SH2D5: variants seen among roughly 807,000 people sequenced by gnomAD.
SH2D5 encodes the protein SH2 domain containing 5, also known as SH2 domain-containing protein 5.
A neutral mutation model predicts 48.2 loss-of-function variants in SH2D5; 45 were observed. The observed-to-expected ratio is 0.93, with a 90% CI of 0.73 to 1.20. The LOEUF is 1.20. SH2D5 is among the 50% of genes most tolerant of loss of function. SH2D5 has a pLI of 0.00. For missense variants in SH2D5, 538 were observed against 584.1 expected (o/e 0.92, Z 0.81); for synonymous variants, 230 against 249.8 (o/e 0.92, Z 0.75).
In SH2D5 at chr1:20,728,877, T is replaced by C. The variant is rs577681124; in HGVS notation, c.-42-791A>G. Among the ~76,000 whole-genome samples, 131 of 152,284 alleles carry C rather than the reference T, an allele frequency of 8.6e-4. No individual in the cohort carries two copies. The highest frequency in any genetic ancestry group is 1.6e-3 in the Non-Finnish European group (106 of 68,014). ...GCCAGGGACCTGCTGCATGGGACCC[T>C]GCCTCACTCAGCCCAAACAGACCCC... is the stretch of plus-strand genomic sequence containing the variant. On this transcript the variant is annotated intron_variant, in intron 1 of 9. Transcript: ENST00000444387. The surrounding 1 kb of genome is among the most constrained non-coding windows in gnomAD (Gnocchi z 4.3).
In SH2D5 at chr1:20,727,609, C is replaced by T. The variant is rs749990363; in HGVS notation, c.88-6G>A. 1.9e-5 allele frequency: 30 copies of T among 1,605,260 alleles called. No individual in the cohort carries two copies. In the Admixed American group the frequency reaches 2.0e-4, roughly 11 times the overall value. ...ACAGGGAAGGAGCCCACGTACTGCT[C>T]GGCAGTGGGGTGAAGGGAGTAAGGC... On this transcript the variant is annotated splice_region_variant and splice_polypyrimidine_tract_variant and intron_variant, in intron 2 of 9. Coordinates refer to ENST00000444387, the MANE Select transcript of SH2D5 (RefSeq NM_001103161.2).
Position 20,721,778 on chromosome 1 carries a change from CG to C in SH2D5, c.*13del. 1.3e-6 allele frequency: 2 copies of C among 1,513,958 alleles called. No individual in the cohort carries two copies. Among genetic ancestry groups the C allele is most frequent in the Non-Finnish European group, 1.8e-6 (2 of 1,125,648 alleles). 93.8% of individuals were successfully genotyped at this position (1,513,958 alleles called of 1,614,324 possible). On this transcript the variant is annotated 3_prime_UTR_variant, in exon 10 of 10. Transcript: ENST00000444387. The stretch of plus-strand genomic sequence containing the variant: ...CGGGGTGAGGCGGGGCCTGTGGGAC[CG>C]GGGCCCTACCTCTTAGCCCAGGCCC...
chr1:20,730,381 C>A (rs573095362), intron 1 of SH2D5, among the ~76,000 whole-genome samples: 37 of 152,098 alleles, frequency 2.4e-4, no homozygotes, highest in African/African-American at 8.9e-4. Context: ...CTCACACTCA[C>A]ACGCGCACAC....
At chr1:20,726,452 C>T (rs761157501) in intron 4 of SH2D5, among the ~76,000 whole-genome samples, 17 of 152,130 alleles carry the variant, frequency 1.1e-4, no homozygotes, top group Non-Finnish European at 1.9e-4. Context: ...ATCAGTGGGA[C>T]CTCATGTGAG....
At chr1:20,727,229 G>T (rs1050305987) in intron 3 of SH2D5, among the ~76,000 whole-genome samples, 154 bp from the exon 4 acceptor site, 1 of 152,104 alleles carries the variant, frequency 6.6e-6, no homozygotes, top group South Asian at 2.1e-4. Flanking sequence ...TGGCGCTGGG[G>T]AAGTGGGGAT....
rs1201268704 is a variant in SH2D5, at chr1:20,722,000, G to A, written c.1069-5C>T. The A allele has an allele frequency of 2.5e-6, 4 of 1,611,364 alleles. No homozygotes were observed. The highest frequency in any genetic ancestry group is 3.4e-6 in the Non-Finnish European group (4 of 1,179,128). ...GGGGAACTCTGCCGGCAGGTGCTAG[G>A]GGAGGAAGGGACTTCAGCTCCAGTC... On this transcript the variant is annotated splice_region_variant and splice_polypyrimidine_tract_variant and intron_variant, in intron 9 of 9. Transcript: ENST00000444387.
In SH2D5 at chr1:20,728,593, G is replaced by T. The variant is rs1014135373; in HGVS notation, c.-42-507C>A. ...GGAAGGGAGGGCCACCTGAGAGGGC[G>T]CCATCAAAGAGAAGGGCAGTGACAG... On this transcript the variant is annotated intron_variant, in intron 1 of 9. Transcript: ENST00000444387. This position sits in a 1 kb window ranked among gnomAD's most constrained non-coding sequence, Gnocchi z 4.3. Among the ~76,000 whole-genome samples, 1 of 152,198 alleles carries T rather than the reference G, an allele frequency of 6.6e-6. No homozygotes were observed. The highest frequency in any genetic ancestry group is 1.5e-5 in the Non-Finnish European group (1 of 68,038).
intron 9 of SH2D5, 115 bp downstream of exon 9, chr1:20,722,640 GA>G (rs2054708830): frequency 9.0e-7 from 1 of 1,105,800 alleles, no homozygotes; most frequent in Non-Finnish European, 1.2e-6. Context: ...GGGAGACAGG[GA>G]TGGGGGTGAG....
At chr1:20,731,922 G>GC (rs1187522210) in intron 1 of SH2D5, among the ~76,000 whole-genome samples, 6 of 151,948 alleles carry the variant, frequency 3.9e-5, no homozygotes, top group African/African-American at 1.4e-4. Context: ...GGTGACGGGC[G>GC]CCCCTCACTC....
At chr1:20,723,501 G>A in intron 8 of SH2D5, 125 bp downstream of exon 8, 1 of 677,436 alleles carries the variant, frequency 1.5e-6, no homozygotes, top group Non-Finnish European at 2.5e-6. Flanking sequence ...TCCCAGGCCT[G>A]AGGTCACTGA....
Position 20,728,099 on chromosome 1 carries a change from G to T in SH2D5, c.-42-13C>A. Reference sequence around the variant, plus strand: ...ACGGGAGGGGAGGCTGCAAAGGGCAGGGGGGGAAGGGCTGCTTTCGAGGCA... The same window carrying T: ...ACGGGAGGGGAGGCTGCAAAGGGCATGGGGGGAAGGGCTGCTTTCGAGGCA... On this transcript the variant is annotated splice_polypyrimidine_tract_variant and intron_variant, in intron 1 of 9. Coordinates refer to ENST00000444387, the MANE Select transcript of SH2D5 (RefSeq NM_001103161.2). The surrounding 1 kb of genome is among the most constrained non-coding windows in gnomAD (Gnocchi z 4.3). The T allele has an allele frequency of 7.9e-7, 1 of 1,270,914 alleles. No individual in the cohort carries two copies. Among genetic ancestry groups the T allele is most frequent in the Admixed American group, 2.1e-5 (1 of 47,998 alleles). The allele number at this position is 1,270,914 out of a possible 1,614,324, so 78.7% of individuals were successfully genotyped here.
rs1570507753 is a variant in SH2D5 at position 20,726,178 on chromosome 1, C to T, written c.244-112G>A. The T allele has an allele frequency of 9.9e-6, 13 of 1,319,754 alleles. No individual in the cohort carries two copies. In the East Asian group the frequency reaches 3.3e-4, roughly 34 times the overall value. 81.8% of individuals were successfully genotyped at this position (1,319,754 alleles called of 1,614,324 possible). ...CCCTCCTTCCAGGCCCGCCCAGTCT[C>T]AAGCCCTCATCCTTCACATGGGCCC... On this transcript the variant is annotated intron_variant, in intron 4 of 9. Transcript: ENST00000444387.
chr1:20,725,251 AGCCACGTGTCACCCCAGTATCCAG>A (rs1483620370), intron 5 of SH2D5, among the ~76,000 whole-genome samples: 4 of 152,274 alleles, frequency 2.6e-5, no homozygotes, highest in African/African-American at 9.6e-5. Context: ...AACATGACTC[AGCCACGTGTCACCCCAGTATCCAG>A]CACATGGCCT....
chr1:20,723,688 C>A lies in SH2D5; in HGVS notation c.846G>T (p.Ser282=). ...EAWPRGPGGH[S]CLVESEGSLT... Reference sequence around the variant, plus strand: ...GGCTGCCCTCGCTCTCCACCAGGCACGAGTGGCCACCAGGACCCCGGGGCC... The same window carrying A: ...GGCTGCCCTCGCTCTCCACCAGGCAAGAGTGGCCACCAGGACCCCGGGGCC... Residue 282 remains serine (S), a synonymous_variant, in exon 8 of 10, where the codon TCG becomes TCT. Transcript: ENST00000444387. 4 of 1,613,130 alleles carry A rather than the reference C, an allele frequency of 2.5e-6. No homozygotes were observed. The African/African-American group carries it at 4.0e-5, about 16-fold the overall frequency.
intron 5 of SH2D5, among the ~76,000 whole-genome samples, chr1:20,724,867 G>C (rs2054765441): frequency 6.6e-6 from 1 of 152,228 alleles, no homozygotes; most frequent in Non-Finnish European, 1.5e-5. Context: ...CTGTGGTCCA[G>C]GCATCACGCT....
intron 9 of SH2D5, 116 bp downstream of exon 9, chr1:20,722,640 G>C (rs1245687073): frequency 9.0e-7 from 1 of 1,105,800 alleles, no homozygotes; most frequent in Non-Finnish European, 1.2e-6. Context: ...GGGAGACAGG[G>C]ATGGGGGTGA....
chr1:20,726,966 C>G, intron 4 of SH2D5, 35 bp downstream of exon 4: 1 of 1,570,684 alleles, frequency 6.4e-7, no homozygotes, highest in Non-Finnish European at 8.7e-7. Context: ...ACCTGTACCC[C>G]TCCAGTCCTC....
Position 20,719,923 on chromosome 1 carries a change from T to A in SH2D5, c.*1869A>T, listed in dbSNP as rs1317442884. ...GCTGGCTGGAGGGATGTTAAAGTGC[T>A]TGGTGGAGACTGGTCCCTTCAGTGT... On this transcript the variant is annotated 3_prime_UTR_variant, in exon 10 of 10. Coordinates refer to ENST00000444387, the MANE Select transcript of SH2D5 (RefSeq NM_001103161.2). 6.6e-6 allele frequency: 1 copy of A among 152,230 alleles called. No individual in the cohort carries two copies. Among genetic ancestry groups the A allele is most frequent in the Non-Finnish European group, 1.5e-5 (1 of 68,042 alleles). 9.4% of individuals were successfully genotyped at this position (152,230 alleles called of 1,614,324 possible).
rs1447019847 is a variant in SH2D5 at position 20,722,806 on chromosome 1, C to A, written c.1018G>T (p.Val340Leu). The change falls in exon 9 of 10, where the codon GTG becomes TTG. Residue 340 changes from valine to leucine, a missense_variant. Physicochemically the swap from Val to Leu is conservative, Grantham distance 32. Coordinates refer to ENST00000444387, the MANE Select transcript of SH2D5 (RefSeq NM_001103161.2). ...TTCCGGAAGACCTGGTGGGGCACCA[C>A]GCCGCACTGCGTGCGCACGGACAGA... Reference protein sequence around the residue: ...WCLSVRTQCGVVPHQVFRNHL... With the variant: ...WCLSVRTQCGLVPHQVFRNHL... The A allele has an allele frequency of 1.9e-6, 3 of 1,596,378 alleles. No individual in the cohort carries two copies. The highest frequency in any genetic ancestry group is 2.6e-6 in the Non-Finnish European group (3 of 1,171,688).
Sources: allele counts gnomAD v4.1 joint callset (sites outside exome capture counted in the v4.1 genomes callset), GRCh38; gene constraint gnomAD v4.1.1; non-coding constraint Gnocchi (gnomAD v3.1); transcripts MANE v1.5; gene names NCBI Gene and HGNC (gene_info 2026-07-23, HGNC 2026-07-21).